Variants in CTNNA2 observed in about 807,000 individuals in gnomAD.
The protein encoded by CTNNA2 is catenin alpha-2.
A neutral mutation model predicts 101.0 loss-of-function variants in CTNNA2; 42 were observed. That is an observed-to-expected ratio of 0.42 (90% CI 0.32 to 0.54). The LOEUF is 0.54. CTNNA2 is among the 20% of genes least tolerant of loss of function. The pLI, the probability that CTNNA2 is intolerant of heterozygous loss-of-function variation, is 0.14. For missense variants in CTNNA2, 871 were observed against 1,223.1 expected, an observed-to-expected ratio of 0.71 and a Z score of 4.29; for synonymous variants, 450 against 456.4, an observed-to-expected ratio of 0.99 and a Z score of 0.18.
At chr2:80,645,671 A>G (rs1330834798) in intron 18 of CTNNA2, among the ~76,000 whole-genome samples, 1 of 151,090 alleles carries the variant, frequency 6.6e-6, no homozygotes, top group African/African-American at 2.5e-5. Flanking sequence ...GGCTTTGAGA[A>G]TCACCCCACT....
At chr2:80,637,308 T>A (rs1176109342) in intron 18 of CTNNA2, among the ~76,000 whole-genome samples, 1 of 152,194 alleles carries the variant, frequency 6.6e-6, no homozygotes, top group Non-Finnish European at 1.5e-5. Context: ...TATTTTCATT[T>A]TTAATTTTAA....
chr2:79,705,652 T>C (rs142720948), intron 2 of CTNNA2, among the ~76,000 whole-genome samples: 2 of 152,328 alleles, frequency 1.3e-5, no homozygotes, highest in East Asian at 1.9e-4. Flanking sequence ...AGTCTTGATT[T>C]TCCTTACTTT....
At chr2:80,174,294 A>T (rs1391796142) in intron 7 of CTNNA2, among the ~76,000 whole-genome samples, 1 of 152,152 alleles carries the variant, frequency 6.6e-6, no homozygotes, top group Non-Finnish European at 1.5e-5. Flanking sequence ...TGAAAATGGA[A>T]GTTGTTACTA....
intron 9 of CTNNA2, among the ~76,000 whole-genome samples, chr2:80,457,075 T>C (rs963462951): frequency 1.3e-5 from 2 of 152,240 alleles, no homozygotes; most frequent in South Asian, 4.2e-4. Context: ...CATTTTTTTT[T>C]AATTTTACAT....
intron 2 of CTNNA2, among the ~76,000 whole-genome samples, chr2:79,733,992 C>T (rs1687363087): frequency 1.3e-5 from 2 of 152,104 alleles, no homozygotes; most frequent in South Asian, 4.1e-4. Flanking sequence ...TTTGTTTCTA[C>T]TCTTTCTTGG....
intron 9 of CTNNA2, among the ~76,000 whole-genome samples, chr2:80,492,740 C>T (rs1013836305): frequency 1.3e-5 from 2 of 152,194 alleles, no homozygotes; most frequent in African/African-American, 4.8e-5. Flanking sequence ...TGACTGGGCA[C>T]ATGCTGTTTC....
chr2:80,068,368 T>A (rs1698114246), intron 7 of CTNNA2, among the ~76,000 whole-genome samples: 1 of 152,228 alleles, frequency 6.6e-6, no homozygotes, highest in East Asian at 1.9e-4. Context: ...CTGTTTATCA[T>A]CTTGGCCATT....
At position 79,541,668 on chromosome 2, in the gene CTNNA2, C is replaced by T. The variant is rs1420569018; in HGVS notation, c.-6+28461C>T. Among the ~76,000 whole-genome samples, 2 of 150,884 alleles carry T rather than the reference C, an allele frequency of 1.3e-5. 1 individual carries two copies. The highest frequency in any genetic ancestry group is 3.0e-5 in the Non-Finnish European group (2 of 67,788). On this transcript the variant is annotated intron_variant, in intron 1 of 18. Transcript: ENST00000402739. ...TTTGAGACAGAGTCTCTCTCTGTTG[C>T]CAGGCTGGAGTGCAGTGGCATGATC...
rs73941152 is a variant in CTNNA2 at position 80,491,572 on chromosome 2, T to C, written c.1291-53410T>C. ...AGGATGTAACAAGGGAAAATTAAAA[T>C]ATCTGGTTGGAGGAAGACAAAGGAG... On this transcript the variant is annotated intron_variant, in intron 9 of 18. Transcript: ENST00000402739. 2.2e-3 allele frequency among the ~76,000 whole-genome samples: 336 copies of C among 152,280 alleles called. 1 individual carries two copies. Among genetic ancestry groups the C allele is most frequent in the African/African-American group, 7.5e-3 (310 of 41,554 alleles).
chr2:79,301,142 A>T (rs1207390054), intron 2 of CTNNA2, among the ~76,000 whole-genome samples: 1 of 152,142 alleles, frequency 6.6e-6, no homozygotes, highest in African/African-American at 2.4e-5. Flanking sequence ...TTCTGTCTAA[A>T]CTGTGTTGAG....
chr2:80,309,864 C>T lies in CTNNA2; in HGVS notation c.1057-83347C>T, dbSNP rs900723880. Among the ~76,000 whole-genome samples the T allele has an allele frequency of 1.0e-4, 14 of 134,832 alleles. No individual in the cohort carries two copies. In the East Asian group the frequency reaches 3.0e-3, roughly 29 times the overall value. The allele number at this position is 134,832 out of a possible 152,430, so 88.5% of individuals were successfully genotyped here. A position where few individuals can be genotyped will look rare whatever the true frequency, so the allele number is the denominator to read the frequency against. On this transcript the variant is annotated intron_variant, in intron 7 of 18. Transcript: ENST00000402739. ...CGCCCGCCACCACACCCAGCTACCA[C>T]ATCTCAAAAAAAAAAAAATGTAAAT...
At chr2:79,393,009 C>A (rs1222205045) in intron 4 of CTNNA2, among the ~76,000 whole-genome samples, 1 of 152,194 alleles carries the variant, frequency 6.6e-6, no homozygotes, top group Non-Finnish European at 1.5e-5. Flanking sequence ...CAAGCGGCTT[C>A]ATGAAAATCC....
intron 13 of CTNNA2, 77 bp from the exon 14 acceptor site, chr2:80,581,629 G>A (rs999970237): frequency 5.1e-5 from 45 of 878,130 alleles, no homozygotes; most frequent in Non-Finnish European, 8.2e-5. Flanking sequence ...GGGATATTTA[G>A]CCTTTGCAAT....
At chr2:79,853,653 T>A (rs934112166) in intron 3 of CTNNA2, among the ~76,000 whole-genome samples, 3 of 143,448 alleles carry the variant, frequency 2.1e-5, no homozygotes, top group African/African-American at 7.8e-5. Flanking sequence ...CTTTTCTTTT[T>A]TCCTTTTATT....
chr2:79,775,407 A>T (rs568471094), intron 3 of CTNNA2, among the ~76,000 whole-genome samples: 86 of 152,348 alleles, frequency 5.6e-4, no homozygotes, highest in Admixed American at 1.1e-3. Flanking sequence ...GGCTACAACT[A>T]AGAGTAGAAA....
intron 1 of CTNNA2, among the ~76,000 whole-genome samples, chr2:79,645,202 G>A (rs1680730123): frequency 6.6e-6 from 1 of 151,928 alleles, no homozygotes; most frequent in Admixed American, 6.6e-5. Flanking sequence ...GCCCAGACTA[G>A]TCTCAAACTT....
chr2:80,176,415 A>G (rs1373876970), intron 7 of CTNNA2, among the ~76,000 whole-genome samples: 2 of 152,250 alleles, frequency 1.3e-5, no homozygotes, highest in Non-Finnish European at 2.9e-5. Context: ...CATGTTCATA[A>G]CAAAATAGAG....
chr2:79,446,915 C>G (rs557077389), intron 4 of CTNNA2, among the ~76,000 whole-genome samples: 2 of 152,030 alleles, frequency 1.3e-5, no homozygotes, highest in African/African-American at 4.8e-5. Context: ...AATTTTCCTC[C>G]AAATGTGATT....
intron 7 of CTNNA2, among the ~76,000 whole-genome samples, chr2:79,998,055 A>G (rs1021934048): frequency 6.6e-5 from 10 of 152,186 alleles, no homozygotes; most frequent in African/African-American, 2.2e-4. Context: ...GTGGCAGAAA[A>G]GGGATTCTTA....
Sources: allele counts gnomAD v4.1 joint callset (sites outside exome capture counted in the v4.1 genomes callset), GRCh38; gene constraint gnomAD v4.1.1; transcripts MANE v1.5; gene names NCBI Gene and HGNC (gene_info 2026-07-23, HGNC 2026-07-21).